The following APBA1 variants were observed in gnomAD, a reference collection of about 807,000 sequenced individuals.
APBA1 encodes the protein amyloid-beta A4 precursor protein-binding family A member 1.
APBA1 carries 55 observed loss-of-function variants against 86.6 expected under a neutral mutation model. That is an observed-to-expected ratio of 0.64 (90% CI 0.51 to 0.80). APBA1 has a LOEUF of 0.80. Ranked by LOEUF, APBA1 falls within the 30% of genes least tolerant of loss-of-function variation. APBA1 has a pLI of 0.00. For synonymous variants in APBA1, 511 were observed against 493.9 expected, an observed-to-expected ratio of 1.03 and a Z score of -0.46; for missense variants, 1,090 against 1,183.0, an observed-to-expected ratio of 0.92 and a Z score of 1.15.
chr9:69,520,998 A>C (rs1224132551), intron 1 of APBA1, among the ~76,000 whole-genome samples: 1 of 152,198 alleles, frequency 6.6e-6, no homozygotes. Context: ...CTTCTAGGGC[A>C]CAGTATAAAT....
chr9:69,627,760 A>C (rs1822962622), intron 1 of APBA1, among the ~76,000 whole-genome samples: 1 of 152,186 alleles, frequency 6.6e-6, no homozygotes, highest in Non-Finnish European at 1.5e-5. Flanking sequence ...AGAACACAGA[A>C]AGAAGCTTGA....
chr9:69,655,562 A>C (rs1823592713), intron 1 of APBA1, among the ~76,000 whole-genome samples: 1 of 152,146 alleles, frequency 6.6e-6, no homozygotes, highest in Non-Finnish European at 1.5e-5. Context: ...AAAACTATAA[A>C]ACACTGATGA....
At chr9:69,517,368 T>C (rs957730186) in intron 1 of APBA1, 89 bp from the exon 2 acceptor site, 1 of 1,245,538 alleles carries the variant, frequency 8.0e-7, no homozygotes, top group African/African-American at 1.6e-5. Context: ...ACAACTGCTA[T>C]TGATTCCTTT....
At chr9:69,546,474 C>A (rs1258483083) in intron 1 of APBA1, among the ~76,000 whole-genome samples, 1 of 152,114 alleles carries the variant, frequency 6.6e-6, no homozygotes. Context: ...ACCAAGAGGG[C>A]GCTGCCCCCT....
intron 12 of APBA1, 64 bp downstream of exon 12, chr9:69,432,472 G>T: frequency 7.1e-7 from 1 of 1,410,176 alleles, no homozygotes; most frequent in Non-Finnish European, 9.3e-7. Flanking sequence ...GCCACGGTGA[G>T]CATACGAGGC....
intron 11 of APBA1, among the ~76,000 whole-genome samples, chr9:69,440,749 G>T (rs1162282230): frequency 1.3e-5 from 2 of 152,116 alleles, no homozygotes; most frequent in African/African-American, 2.4e-5. Context: ...GCGATGCCTT[G>T]TCCTGCTTCA....
At chr9:69,643,727 T>A (rs1268668831) in intron 1 of APBA1, among the ~76,000 whole-genome samples, 1 of 152,152 alleles carries the variant, frequency 6.6e-6, no homozygotes, top group Admixed American at 6.5e-5. Flanking sequence ...GCTTCAGAGC[T>A]GATATCCCAA....
chr9:69,524,437 AGACT>A (rs1259407866), intron 1 of APBA1, among the ~76,000 whole-genome samples: 1 of 152,196 alleles, frequency 6.6e-6, no homozygotes, highest in East Asian at 1.9e-4. Context: ...AGATACTCAC[AGACT>A]ATTATGAACA....
At chr9:69,439,212 T>G (rs2133790383) in intron 11 of APBA1, among the ~76,000 whole-genome samples, 1 of 118,888 alleles carries the variant, frequency 8.4e-6, no homozygotes, top group East Asian at 2.3e-4. Flanking sequence ...GCCCTTAACG[T>G]TTTTTCCTTC....
At chr9:69,537,768 T>C (rs955481142) in intron 1 of APBA1, among the ~76,000 whole-genome samples, 2 of 152,036 alleles carry the variant, frequency 1.3e-5, no homozygotes, top group Non-Finnish European at 2.9e-5. Flanking sequence ...GTGAACTGCC[T>C]GGTTTTCTAC....
At chr9:69,566,664 C>T (rs1362172460) in intron 1 of APBA1, among the ~76,000 whole-genome samples, 1 of 151,996 alleles carries the variant, frequency 6.6e-6, no homozygotes, top group Non-Finnish European at 1.5e-5. Context: ...CTAAAACTCT[C>T]CTTTCTCAAG....
chr9:69,637,743 G>A (rs57756516), intron 1 of APBA1, among the ~76,000 whole-genome samples: 3,867 of 152,212 alleles, frequency 0.025, 186 homozygotes, highest in African/African-American at 0.087. Context: ...ACATAAAAGT[G>A]CTATAAAATA....
At chr9:69,599,640 T>G (rs948965468) in intron 1 of APBA1, among the ~76,000 whole-genome samples, 3 of 152,142 alleles carry the variant, frequency 2.0e-5, no homozygotes, top group Admixed American at 2.0e-4. Context: ...GAAACAGTGG[T>G]TCTCAAAGTG....
intron 11 of APBA1, 69 bp downstream of exon 11, chr9:69,440,927 C>G: frequency 6.5e-7 from 1 of 1,543,482 alleles, no homozygotes; most frequent in Admixed American, 1.8e-5. Context: ...CTTGGCTCCA[C>G]CCCCCCAGCC....
chr9:69,458,131 G>C (rs1835129505), intron 6 of APBA1, 25 bp downstream of exon 6: 2 of 1,597,746 alleles, frequency 1.3e-6, no homozygotes, highest in Admixed American at 1.8e-5. Context: ...ATAACACCAA[G>C]CTGATGAAGT....
intron 1 of APBA1, among the ~76,000 whole-genome samples, chr9:69,537,178 G>A (rs1836526653): frequency 1.3e-5 from 2 of 151,580 alleles, no homozygotes; most frequent in African/African-American, 4.8e-5. Flanking sequence ...TTCTGGGTAG[G>A]AAGAGGGCAG....
intron 2 of APBA1, among the ~76,000 whole-genome samples, chr9:69,502,159 T>C (rs1835889089): frequency 6.6e-6 from 1 of 151,430 alleles, no homozygotes; most frequent in Non-Finnish European, 1.5e-5. Context: ...ATCTTCTCCA[T>C]CAGTTTCTTT....
intron 1 of APBA1, among the ~76,000 whole-genome samples, chr9:69,627,391 C>G (rs1822954716): frequency 6.6e-6 from 1 of 152,066 alleles, no homozygotes; most frequent in Non-Finnish European, 1.5e-5. Flanking sequence ...GAGAATATAT[C>G]CTCCCCCAGC....
intron 11 of APBA1, among the ~76,000 whole-genome samples, chr9:69,440,139 T>C (rs962753044): frequency 6.6e-6 from 1 of 152,194 alleles, no homozygotes; most frequent in African/African-American, 2.4e-5. Context: ...ATCGTTCCTC[T>C]GGAAGTTTTG....
Sources: allele counts gnomAD v4.1 joint callset (sites outside exome capture counted in the v4.1 genomes callset), GRCh38; gene constraint gnomAD v4.1.1; transcripts MANE v1.5; gene names NCBI Gene and HGNC (gene_info 2026-07-23, HGNC 2026-07-21).